RGL1: variants seen among roughly 807,000 people sequenced by gnomAD.
RGL1 encodes the protein ral guanine nucleotide dissociation stimulator like 1.
A neutral mutation model predicts 95.2 loss-of-function variants in RGL1; 24 were observed. The observed-to-expected ratio is 0.25, with a 90% confidence interval of 0.18 to 0.35. RGL1 has a LOEUF of 0.35. Among genes scored for constraint, RGL1 ranks in the 10% least tolerant of loss-of-function variants. RGL1 has a pLI of 1.00. For missense variants in RGL1, 715 were observed against 936.3 expected (o/e 0.76, Z 3.08); for synonymous variants, 329 against 344.9 (o/e 0.95, Z 0.51).
chr1:183,866,846 C>T lies in RGL1; in HGVS notation c.425+773C>T, dbSNP rs573146239. 1.6e-3 allele frequency among the ~76,000 whole-genome samples: 244 copies of T among 152,214 alleles called. 1 individual carries two copies. Among genetic ancestry groups the T allele is most frequent in the African/African-American group, 5.7e-3 (238 of 41,528 alleles). ...GCAGGGAGCCTGGTCAGGACCCTCC[C>T]AAGAGTCCAGATGAGGGCTGCTTGT... On this transcript the variant is annotated intron_variant, in intron 4 of 17. Transcript: ENST00000360851.
At chr1:183,902,834 A>G (rs1160918951) in intron 12 of RGL1, among the ~76,000 whole-genome samples, 1 of 152,052 alleles carries the variant, frequency 6.6e-6, no homozygotes, top group Admixed American at 6.6e-5. Flanking sequence ...AGATTAAATT[A>G]CTGGACGAGA....
intron 2 of RGL1, among the ~76,000 whole-genome samples, chr1:183,794,884 C>T (rs1457923634): frequency 6.6e-6 from 1 of 152,238 alleles, no homozygotes; most frequent in Non-Finnish European, 1.5e-5. Flanking sequence ...CTGCCCTGCT[C>T]TCTTTATCTG....
chr1:183,818,756 G>A (rs12354043), intron 2 of RGL1, among the ~76,000 whole-genome samples: 3,551 of 152,156 alleles, frequency 0.023, 131 homozygotes, highest in African/African-American at 0.08. Context: ...ATTATAGAAC[G>A]TGTATCTTTA....
intron 1 of RGL1, among the ~76,000 whole-genome samples, chr1:183,666,787 GGTAA>G (rs1307635863): frequency 6.6e-6 from 1 of 152,100 alleles, no homozygotes; most frequent in East Asian, 1.9e-4. Flanking sequence ...TGGCCAATTT[GGTAA>G]GTGTTTCCTG....
At chr1:183,740,490 G>A (rs1361404522) in intron 1 of RGL1, among the ~76,000 whole-genome samples, 5 of 152,286 alleles carry the variant, frequency 3.3e-5, no homozygotes, top group South Asian at 2.1e-4. Context: ...GACCCGTCAC[G>A]CCTGCCACTC....
intron 1 of RGL1, among the ~76,000 whole-genome samples, chr1:183,686,393 C>T (rs576754202): frequency 6.6e-6 from 1 of 151,364 alleles, no homozygotes; most frequent in East Asian, 2.0e-4. Flanking sequence ...CTTCATTTCC[C>T]TCAGTGGCAC....
rs1227560860 is a variant in RGL1, at chr1:183,865,976, G to T, written c.348-20G>T. ...CACCACTGACTGTTTTTGCTTGCTTGTTCATTATTATCTCTACAGGTATGG... is the reference window on the plus strand; with the variant it reads ...CACCACTGACTGTTTTTGCTTGCTTTTTCATTATTATCTCTACAGGTATGG... On this transcript the variant is annotated intron_variant, in intron 3 of 17. Transcript: ENST00000360851. The T allele has an allele frequency of 1.9e-6, 3 of 1,594,284 alleles. No homozygotes were observed. The highest frequency in any genetic ancestry group is 4.5e-5 in the East Asian group (2 of 44,736).
intron 1 of RGL1, among the ~76,000 whole-genome samples, chr1:183,727,882 T>G (rs1345507542): frequency 1.3e-5 from 2 of 152,198 alleles, no homozygotes; most frequent in African/African-American, 4.8e-5. Context: ...ATGATTAATT[T>G]TGTGTATTAG....
In RGL1 at chr1:183,825,498, ACTGTGTACT is replaced by A. The variant is rs554833949; in HGVS notation, c.138+19016_138+19024del. Among the ~76,000 whole-genome samples, 167 of 152,210 alleles carry A rather than the reference ACTGTGTACT, an allele frequency of 1.1e-3. 5 individuals are homozygous for A. Among genetic ancestry groups the A allele is most frequent in the East Asian group, 1.9e-4 (1 of 5,172 alleles). ...GAGGCCAAAGTTTTAAATACATAAG[ACTGTGTACT>A]CTAAAAACAAGTAACATCCTGTCAC... On this transcript the variant is annotated intron_variant, in intron 2 of 17. Coordinates refer to ENST00000360851, the MANE Select transcript of RGL1 (RefSeq NM_001297671.3).
chr1:183,710,506 G>A (rs911890864), intron 1 of RGL1, among the ~76,000 whole-genome samples: 4 of 152,172 alleles, frequency 2.6e-5, no homozygotes, highest in African/African-American at 9.7e-5. Flanking sequence ...TTTCCCAGGT[G>A]TATTAGTCCA....
intron 2 of RGL1, among the ~76,000 whole-genome samples, chr1:183,840,204 G>C (rs775667859): frequency 8.5e-5 from 13 of 152,192 alleles, no homozygotes; most frequent in Non-Finnish European, 1.8e-4. Context: ...AGACAAGGTA[G>C]GTCAGAGAAT....
intron 17 of RGL1, among the ~76,000 whole-genome samples, chr1:183,925,594 G>A (rs1020083738): frequency 3.3e-5 from 5 of 152,034 alleles, no homozygotes; most frequent in African/African-American, 9.7e-5. Context: ...TAAAATACTC[G>A]TTTGACGGGA....
intron 12 of RGL1, among the ~76,000 whole-genome samples, chr1:183,903,932 C>A (rs73047595): frequency 0.016 from 2,503 of 152,240 alleles, 82 homozygotes; most frequent in African/African-American, 0.057. Context: ...GACCAAGGGC[C>A]GAGGTCACTG....
chr1:183,777,168 A>G (rs990943396), intron 2 of RGL1, among the ~76,000 whole-genome samples: 3 of 152,248 alleles, frequency 2.0e-5, no homozygotes, highest in African/African-American at 7.2e-5. Context: ...TCAGAGAAAC[A>G]GACTTGAAGA....
intron 1 of RGL1, among the ~76,000 whole-genome samples, chr1:183,728,265 G>A (rs1656424020): frequency 6.6e-6 from 1 of 152,152 alleles, no homozygotes; most frequent in Non-Finnish European, 1.5e-5. Flanking sequence ...GTTCTTAGGT[G>A]TAAGGACTTG....
At chr1:183,689,366 CT>C (rs1653805311) in intron 1 of RGL1, among the ~76,000 whole-genome samples, 1 of 152,184 alleles carries the variant, frequency 6.6e-6, no homozygotes, top group Admixed American at 6.5e-5. Flanking sequence ...GACATTTTAT[CT>C]TCATGCATTT....
At chr1:183,667,344 G>A (rs945494321) in intron 1 of RGL1, among the ~76,000 whole-genome samples, 4 of 151,950 alleles carry the variant, frequency 2.6e-5, no homozygotes, top group Middle Eastern at 3.4e-3. Context: ...ATTTTTTTGA[G>A]ACGGAGTTTT....
chr1:183,884,932 C>G lies in RGL1; in HGVS notation c.945C>G (p.Ile315Met). The G allele has an allele frequency of 6.2e-7, 1 of 1,612,868 alleles. No individual in the cohort carries two copies. Among genetic ancestry groups the G allele is most frequent in the Non-Finnish European group, 8.5e-7 (1 of 1,178,954 alleles). Reference sequence around the variant, plus strand: ...AAATCATTGAGAAGTGGATCAACATCGCTCATGTAATTGTCTTTTATAAAA... The same window carrying G: ...AAATCATTGAGAAGTGGATCAACATGGCTCATGTAATTGTCTTTTATAAAA... ...RAKIIEKWIN[I>M]AHECRLLKNF... Residue 315 changes from isoleucine (I) to methionine (M), a missense_variant, in exon 7 of 18, where the codon ATC (isoleucine) becomes ATG (methionine). By Grantham distance (10) the Ile-to-Met change is conservative (BLOSUM62 1). This residue lies in a region of RGL1 where 381 missense variants were observed against 484.8 expected (regional missense o/e 0.79). Coordinates refer to ENST00000360851, the MANE Select transcript of RGL1 (RefSeq NM_001297671.3).
intron 16 of RGL1, among the ~76,000 whole-genome samples, chr1:183,920,330 C>T (rs1031718926): frequency 2.1e-4 from 32 of 152,182 alleles, no homozygotes; most frequent in Admixed American, 1.8e-3. Context: ...GCCACCTCAC[C>T]CGTCCTAAAA....
Sources: allele counts gnomAD v4.1 joint callset (sites outside exome capture counted in the v4.1 genomes callset), GRCh38; gene constraint gnomAD v4.1.1; regional missense constraint gnomAD v4.1.1; transcripts MANE v1.5; gene names NCBI Gene and HGNC (gene_info 2026-07-23, HGNC 2026-07-21).